The following TOMM70 variants were observed in gnomAD, a reference collection of about 807,000 sequenced individuals.
TOMM70 encodes the protein mitochondrial import receptor subunit TOM70.
TOMM70 carries 13 observed loss-of-function variants against 73.6 expected under a neutral mutation model. That is an observed-to-expected ratio of 0.18 (90% confidence interval 0.11 to 0.28). The LOEUF is 0.28. Among genes scored for constraint, TOMM70 ranks in the 10% least tolerant of loss-of-function variants. The pLI is 1.00. For missense variants in TOMM70, 609 were observed against 747.5 expected, an observed-to-expected ratio of 0.81 and a Z score of 2.16; for synonymous variants, 257 against 271.2, an observed-to-expected ratio of 0.95 and a Z score of 0.51.
At chr3:100,397,464 A>G (rs1287760470) in intron 1 of TOMM70, among the ~76,000 whole-genome samples, 1 of 152,290 alleles carries the variant, frequency 6.6e-6, no homozygotes, top group East Asian at 1.9e-4. Flanking sequence ...ATATTCCACA[A>G]GATGGACAAT....
chr3:100,375,845 G>A (rs141478062), intron 6 of TOMM70, among the ~76,000 whole-genome samples: 17 of 152,250 alleles, frequency 1.1e-4, no homozygotes, highest in Middle Eastern at 3.4e-3. Flanking sequence ...TCATGTACAA[G>A]TTTTTGTGTT....
At chr3:100,387,094 G>A in intron 1 of TOMM70, 116 bp from the exon 2 acceptor site, 1 of 1,066,278 alleles carries the variant, frequency 9.4e-7, no homozygotes, top group South Asian at 1.6e-5. Context: ...TACAATGTAA[G>A]TTGCTTCATA....
chr3:100,363,448 A>AATAG lies in TOMM70; in HGVS notation c.*2112_*2115dup, dbSNP rs761874111. On this transcript the variant is annotated 3_prime_UTR_variant, in exon 12 of 12. Transcript: ENST00000284320. ...AAACTACCTATCTTTCTATTTAAAG[A>AATAG]ATAGATAGAAGAGCTTGAATGTAAT... 6 of 152,608 alleles carry AATAG rather than the reference A, an allele frequency of 3.9e-5. No individual in the cohort carries two copies. Among genetic ancestry groups the AATAG allele is most frequent in the Non-Finnish European group, 7.4e-5 (5 of 68,024 alleles). The allele number at this position is 152,608 out of a possible 1,614,324, so 9.5% of individuals were successfully genotyped here. A position where few individuals can be genotyped will look rare whatever the true frequency, so the allele number is the denominator to read the frequency against.
intron 1 of TOMM70, among the ~76,000 whole-genome samples, chr3:100,391,573 A>G (rs1706762227): frequency 6.6e-6 from 1 of 152,202 alleles, no homozygotes; most frequent in South Asian, 2.1e-4. Context: ...ATTTTTGTGA[A>G]GCTGTACAAT....
rs778126106 is a variant in TOMM70, at chr3:100,381,704, C to T, written c.795G>A (p.Thr265=). 5 of 1,612,028 alleles carry T rather than the reference C, an allele frequency of 3.1e-6. No homozygotes were observed. Among genetic ancestry groups the T allele is most frequent in the African/African-American group, 1.3e-5 (1 of 74,824 alleles). Residue 265 remains threonine, a synonymous_variant, in exon 5 of 12, where the codon ACG becomes ACA. Transcript: ENST00000284320. ...GCATGGGCTGGGAAATGATATCATC[C>T]GTGAAAGAACTGAAGTAAGATTTGA... ...QFIKSYFSSF[T]DDIISQPMLK...
chr3:100,394,423 T>C (rs1356604557), intron 1 of TOMM70, among the ~76,000 whole-genome samples: 1 of 150,862 alleles, frequency 6.6e-6, no homozygotes, highest in Non-Finnish European at 1.5e-5. Flanking sequence ...CGATGTCCAC[T>C]CACTGCAACC....
rs1278568138 is a variant in TOMM70, at chr3:100,368,037, A to G, written c.1673+7T>C. On this transcript the variant is annotated splice_region_variant and intron_variant, in intron 11 of 11. Coordinates refer to ENST00000284320, the MANE Select transcript of TOMM70 (RefSeq NM_014820.5). ...CCATATATTTCCTAACAGACTCCAG[A>G]AGTTACCTTTGTACTTCAATAGTTC... 2.5e-6 allele frequency: 4 copies of G among 1,612,384 alleles called. No homozygotes were observed. The South Asian group carries it at 4.4e-5, about 18-fold the overall frequency.
intron 7 of TOMM70, 73 bp downstream of exon 7, chr3:100,374,945 C>A: frequency 7.0e-7 from 1 of 1,421,304 alleles, no homozygotes; most frequent in South Asian, 1.7e-5. Flanking sequence ...AAGAAAATTA[C>A]ATAAGAAATT....
chr3:100,373,760 T>A lies in TOMM70; in HGVS notation c.1228-115A>T. Reference sequence around the variant, plus strand: ...TGCTGAGCATGTAGTAGTAATTCAATATATAATTACTTTCTAGAAACAGTG... The same window carrying A: ...TGCTGAGCATGTAGTAGTAATTCAAAATATAATTACTTTCTAGAAACAGTG... On this transcript the variant is annotated intron_variant, in intron 7 of 11. Transcript: ENST00000284320. The A allele has an allele frequency of 5.1e-6, 3 of 583,162 alleles. No homozygotes were observed. In the South Asian group the frequency reaches 8.0e-5, roughly 16 times the overall value. The allele number at this position is 583,162 out of a possible 1,614,324, so 36.1% of individuals were successfully genotyped here. A position where few individuals can be genotyped will look rare whatever the true frequency, so the allele number is the denominator to read the frequency against.
rs116287221 is a variant in TOMM70, at chr3:100,396,851, T to A, written c.324+3775A>T. On this transcript the variant is annotated intron_variant, in intron 1 of 11. Transcript: ENST00000284320. ...TTAATTAAAACAACTATGAATATCC[T>A]TTGCACTTCCTTTACAAGTTTTTGC... Among the ~76,000 whole-genome samples, 506 of 152,286 alleles carry A rather than the reference T, an allele frequency of 3.3e-3. 2 individuals carry two copies. The highest frequency in any genetic ancestry group is 4.9e-3 in the Non-Finnish European group (331 of 68,020).
At chr3:100,395,724 G>C (rs532854025) in intron 1 of TOMM70, among the ~76,000 whole-genome samples, 25 of 152,060 alleles carry the variant, frequency 1.6e-4, no homozygotes, top group Non-Finnish European at 2.9e-4. Context: ...TTAATTATTA[G>C]TCAAAAAATG....
At chr3:100,397,181 G>T (rs188917256) in intron 1 of TOMM70, among the ~76,000 whole-genome samples, 35 of 152,280 alleles carry the variant, frequency 2.3e-4, no homozygotes, top group African/African-American at 7.9e-4. Flanking sequence ...ATCCACCGAG[G>T]ATGCCAATTT....
intron 1 of TOMM70, among the ~76,000 whole-genome samples, chr3:100,390,286 A>G (rs1447913792): frequency 6.6e-6 from 1 of 152,242 alleles, no homozygotes; most frequent in Non-Finnish European, 1.5e-5. Flanking sequence ...ACAACCGTCA[A>G]TCTCGCAAAA....
At chr3:100,368,716 G>A (rs1490049424) in intron 10 of TOMM70, among the ~76,000 whole-genome samples, 9 of 152,122 alleles carry the variant, frequency 5.9e-5, no homozygotes, top group Admixed American at 5.2e-4. Flanking sequence ...GCTGGGAATC[G>A]GGCATGTGCC....
At position 100,386,265 on chromosome 3, in the gene TOMM70, C is replaced by A; in HGVS notation, c.578G>T (p.Arg193Leu). The A allele has an allele frequency of 6.2e-7, 1 of 1,613,208 alleles. No individual in the cohort carries two copies. Reference sequence around the variant, plus strand: ...GTCTAGCTTCTCATGGGCTTTTGCACGTCTAAAGAGAGCTTTCACATATTT... The same window carrying A: ...GTCTAGCTTCTCATGGGCTTTTGCAAGTCTAAAGAGAGCTTTCACATATTT... ...NPKYVKALFR[R>L]AKAHEKLDNK... is the part of the protein sequence containing the mutation. Residue 193 changes from arginine (R) to leucine (L), a missense_variant, in exon 3 of 12, where the codon CGT (arginine) becomes CTT (leucine). Around this residue, in one of 2 missense-constraint regions of TOMM70, gnomAD observed 432 missense variants for 584.1 expected, o/e 0.74. Transcript: ENST00000284320.
chr3:100,391,733 AG>A lies in TOMM70; in HGVS notation c.325-4756del, dbSNP rs550059201. On this transcript the variant is annotated intron_variant, in intron 1 of 11. Coordinates refer to ENST00000284320, the MANE Select transcript of TOMM70 (RefSeq NM_014820.5). Reference sequence around the variant, plus strand: ...CGTTAAGCTAAATGTTACTAAAAAAAGTTAAAAAAATTTAAAAGTTCATAAA... The same window carrying A: ...CGTTAAGCTAAATGTTACTAAAAAAATTAAAAAAATTTAAAAGTTCATAAA... Among the ~76,000 whole-genome samples, 77 of 152,332 alleles carry A rather than the reference AG, an allele frequency of 5.1e-4. No homozygotes were observed. The South Asian group carries it at 0.012, about 24-fold the overall frequency.
At position 100,375,130 on chromosome 3, in the gene TOMM70, T is replaced by C. The variant is rs1706547868; in HGVS notation, c.1115A>G (p.Lys372Arg). Reference protein sequence around the residue: ...NVKLRANALIKRGSMYMQQQQ... With the variant: ...NVKLRANALIRRGSMYMQQQQ... ...CTGTTGCATGTACATGCTGCCTCTT[T>C]TGATGAGAGCATTTGCTCGAAGCTA... Residue 372 changes from lysine (K) to arginine (R), a missense_variant, in exon 7 of 12, where the codon AAA (lysine) becomes AGA (arginine). Lys to Arg is a conservative substitution (Grantham distance 26). This residue lies in a region of TOMM70 where 432 missense variants were observed against 584.1 expected (regional missense o/e 0.74). Coordinates refer to ENST00000284320, the MANE Select transcript of TOMM70 (RefSeq NM_014820.5). The C allele has an allele frequency of 6.2e-7, 1 of 1,605,738 alleles. No individual in the cohort carries two copies. The highest frequency in any genetic ancestry group is 8.5e-7 in the Non-Finnish European group (1 of 1,176,220).
rs535439267 is a variant in TOMM70, at chr3:100,399,187, C to T, written c.324+1439G>A. Among the ~76,000 whole-genome samples, 3 of 151,034 alleles carry T rather than the reference C, an allele frequency of 2.0e-5. No individual in the cohort carries two copies. In the South Asian group the frequency reaches 6.3e-4, roughly 32 times the overall value. ...GTCCCAGCTATTCCGGAGGCTGAGGCAGAACTGCTTGAACCCAGGAGGCGG... is the reference window on the plus strand; with the variant it reads ...GTCCCAGCTATTCCGGAGGCTGAGGTAGAACTGCTTGAACCCAGGAGGCGG... On this transcript the variant is annotated intron_variant, in intron 1 of 11. Transcript: ENST00000284320.
Position 100,371,754 on chromosome 3 carries a change from TAGG to T in TOMM70, c.1452+849_1452+851del, listed in dbSNP as rs755392333. ...AAGACAATTTTTGCATGGATGGGGGTAGGAGGAGGAGGGATGGTTTTGGGATGA... is the reference window on the plus strand; with the variant it reads ...AAGACAATTTTTGCATGGATGGGGGTAGGAGGAGGGATGGTTTTGGGATGA... On this transcript the variant is annotated intron_variant, in intron 9 of 11. Transcript: ENST00000284320. Among the ~76,000 whole-genome samples the T allele has an allele frequency of 4.4e-4, 67 of 151,640 alleles. 1 individual carries two copies. The highest frequency in any genetic ancestry group is 1.0e-3 in the South Asian group (5 of 4,784).
Sources: allele counts gnomAD v4.1 joint callset (sites outside exome capture counted in the v4.1 genomes callset), GRCh38; gene constraint gnomAD v4.1.1; regional missense constraint gnomAD v4.1.1; transcripts MANE v1.5; gene names NCBI Gene and HGNC (gene_info 2026-07-23, HGNC 2026-07-21).